CALCR: variants seen among roughly 807,000 people sequenced by gnomAD.
CALCR encodes the protein calcitonin receptor.
In CALCR, 47 loss-of-function variants were observed where a neutral mutation model predicts 59.5. The observed-to-expected ratio is 0.79, with a 90% confidence interval of 0.63 to 1.01. CALCR has a LOEUF of 1.01. Ranked by LOEUF, CALCR falls within the 50% of genes least tolerant of loss-of-function variation. The probability of loss-of-function intolerance (pLI) is 0.00; values close to 1 mark genes in which losing one functional copy is unlikely to be tolerated. For synonymous variants in CALCR, 213 were observed against 211.3 expected (o/e 1.01, Z -0.07); for missense variants, 566 against 597.1 (o/e 0.95, Z 0.54).
intron 8 of CALCR, among the ~76,000 whole-genome samples, chr7:93,446,730 G>A (rs912552274): frequency 6.6e-6 from 1 of 151,912 alleles, no homozygotes; most frequent in African/African-American, 2.4e-5. Context: ...TTAGCAGCAT[G>A]GGGTATTAAG....
intron 5 of CALCR, among the ~76,000 whole-genome samples, chr7:93,473,226 G>C (rs910621693): frequency 6.6e-6 from 1 of 151,778 alleles, no homozygotes; most frequent in Non-Finnish European, 1.5e-5. Context: ...CTTCGCTATG[G>C]GGGTGCCAGG....
chr7:93,493,375 T>A (rs528135464), intron 2 of CALCR, among the ~76,000 whole-genome samples: 32 of 151,552 alleles, frequency 2.1e-4, no homozygotes, highest in African/African-American at 7.7e-4. Flanking sequence ...ATTGTATGAA[T>A]GAGAAAGTTG....
intron 11 of CALCR, among the ~76,000 whole-genome samples, chr7:93,436,559 G>C (rs1224950711): frequency 1.3e-5 from 2 of 152,044 alleles, no homozygotes; most frequent in Non-Finnish European, 2.9e-5. Context: ...TCTTTATTTG[G>C]AACATTGCAG....
At chr7:93,492,217 G>T (rs1801095719) in intron 2 of CALCR, among the ~76,000 whole-genome samples, 1 of 151,432 alleles carries the variant, frequency 6.6e-6, no homozygotes, top group African/African-American at 2.4e-5. Context: ...AACACAGAGA[G>T]GGGAACAACA....
intron 5 of CALCR, 115 bp downstream of exon 5, chr7:93,477,443 G>T: frequency 1.6e-6 from 1 of 613,864 alleles, no homozygotes. Flanking sequence ...TTCAGAAGTT[G>T]CTAAAATGTG....
Position 93,469,232 on chromosome 7 carries a change from T to G in CALCR, c.430-426A>C, listed in dbSNP as rs566307887. Among the ~76,000 whole-genome samples, 111 of 151,884 alleles carry G rather than the reference T, an allele frequency of 7.3e-4. 4 individuals are homozygous for G. Among genetic ancestry groups the G allele is most frequent in the African/African-American group, 2.6e-3 (106 of 41,510 alleles). Reference sequence around the variant, plus strand: ...TGACCTACAGAGGGTCCAGAGAGTATGGTGGCAGGTTTCTGTGCCTTTGTT... The same window carrying G: ...TGACCTACAGAGGGTCCAGAGAGTAGGGTGGCAGGTTTCTGTGCCTTTGTT... On this transcript the variant is annotated intron_variant, in intron 6 of 13. Coordinates refer to ENST00000426151, the MANE Select transcript of CALCR (RefSeq NM_001742.4).
At chr7:93,543,741 A>AT (rs375786095) in intron 2 of CALCR, among the ~76,000 whole-genome samples, 1 of 151,974 alleles carries the variant, frequency 6.6e-6, no homozygotes, top group Non-Finnish European at 1.5e-5. Context: ...TTTGGCTAAG[A>AT]TTTTTTTCCA....
chr7:93,456,223 T>C (rs1296453645), intron 8 of CALCR, among the ~76,000 whole-genome samples: 1 of 152,140 alleles, frequency 6.6e-6, no homozygotes, highest in Admixed American at 6.6e-5. Flanking sequence ...AGGAGGGACA[T>C]GTGTTTCCAA....
At chr7:93,507,617 A>G (rs1423496730) in intron 2 of CALCR, among the ~76,000 whole-genome samples, 2 of 151,842 alleles carry the variant, frequency 1.3e-5, no homozygotes, top group Admixed American at 1.3e-4. Context: ...CATTAAAAAA[A>G]AAAAAGAAGG....
intron 2 of CALCR, among the ~76,000 whole-genome samples, chr7:93,554,321 A>G (rs1584628257): frequency 6.6e-6 from 1 of 152,132 alleles, no homozygotes; most frequent in East Asian, 1.9e-4. Flanking sequence ...TATTTCCTAG[A>G]GTTTGGCAAG....
chr7:93,469,807 A>G (rs1047402079), intron 6 of CALCR, among the ~76,000 whole-genome samples: 8 of 151,750 alleles, frequency 5.3e-5, no homozygotes, highest in African/African-American at 1.7e-4. Flanking sequence ...GGGTCTTGGT[A>G]TGAATGCAAA....
At chr7:93,479,062 C>T (rs900921768) in intron 4 of CALCR, among the ~76,000 whole-genome samples, 6 of 151,840 alleles carry the variant, frequency 4.0e-5, no homozygotes, top group Admixed American at 2.6e-4. Context: ...TCATTTTGTA[C>T]ATCCCCTCCC....
chr7:93,573,548 C>T (rs932375498), intron 2 of CALCR, among the ~76,000 whole-genome samples: 16 of 152,130 alleles, frequency 1.1e-4, no homozygotes, highest in Non-Finnish European at 1.5e-4. Flanking sequence ...TGAAACTTTT[C>T]TTAGGTAGAT....
chr7:93,509,116 C>T (rs1222709683), intron 2 of CALCR, among the ~76,000 whole-genome samples: 1 of 152,068 alleles, frequency 6.6e-6, no homozygotes, highest in Admixed American at 6.6e-5. Flanking sequence ...GCCATATTGG[C>T]TCAGGTAAAA....
At chr7:93,441,455 T>C (rs1000148664) in intron 9 of CALCR, 1 of 442,780 alleles carries the variant, frequency 2.3e-6, no homozygotes, top group Non-Finnish European at 4.5e-6. Context: ...ATTCTTAGCA[T>C]GACCAGATTT....
intron 2 of CALCR, among the ~76,000 whole-genome samples, chr7:93,552,845 C>T (rs934986745): frequency 6.6e-6 from 1 of 152,114 alleles, no homozygotes; most frequent in African/African-American, 2.4e-5. Flanking sequence ...GTGTAGCACT[C>T]CTCCCCGGTA....
chr7:93,540,580 CTCTA>C (rs1411612888), intron 2 of CALCR, among the ~76,000 whole-genome samples: 1 of 151,824 alleles, frequency 6.6e-6, no homozygotes, highest in Non-Finnish European at 1.5e-5. Flanking sequence ...GGCTAATAAA[CTCTA>C]TCTTTTCTTA....
At chr7:93,480,215 CCT>C (rs1800763898) in intron 3 of CALCR, among the ~76,000 whole-genome samples, 1 of 151,818 alleles carries the variant, frequency 6.6e-6, no homozygotes, top group African/African-American at 2.4e-5. Flanking sequence ...CCATCACAAG[CCT>C]CTCTTTTTCA....
intron 2 of CALCR, among the ~76,000 whole-genome samples, chr7:93,524,755 C>G (rs567323009): frequency 6.6e-6 from 1 of 152,164 alleles, no homozygotes; most frequent in African/African-American, 2.4e-5. Context: ...TATCTATAAT[C>G]CTTTGTCTCA....
Sources: allele counts gnomAD v4.1 joint callset (sites outside exome capture counted in the v4.1 genomes callset), GRCh38; gene constraint gnomAD v4.1.1; transcripts MANE v1.5; gene names NCBI Gene and HGNC (gene_info 2026-07-23, HGNC 2026-07-21).